The following KCTD3 variants were observed in gnomAD, a reference collection of about 807,000 sequenced individuals.
KCTD3 encodes the protein BTB/POZ domain-containing protein KCTD3.
KCTD3 carries 41 observed loss-of-function variants against 85.8 expected under a neutral mutation model. The observed-to-expected ratio is 0.48, with a 90% CI of 0.37 to 0.62. The LOEUF is 0.62. Ranked by LOEUF, KCTD3 falls within the 20% of genes least tolerant of loss-of-function variation. KCTD3 has a pLI of 0.00. For synonymous variants in KCTD3, 338 were observed against 345.4 expected (o/e 0.98, Z 0.24); for missense variants, 724 against 989.9 (o/e 0.73, Z 3.60).
intron 15 of KCTD3, among the ~76,000 whole-genome samples, chr1:215,616,171 G>T (rs192246985): frequency 6.6e-6 from 1 of 152,138 alleles, no homozygotes; most frequent in African/African-American, 2.4e-5. Context: ...GCTTCTGAGG[G>T]TATTTTCTGA....
At chr1:215,582,616 C>T (rs1659866708) in intron 8 of KCTD3, among the ~76,000 whole-genome samples, 1 of 152,244 alleles carries the variant, frequency 6.6e-6, no homozygotes, top group East Asian at 1.9e-4. Flanking sequence ...GGCTAGAGTG[C>T]AGTGGCGTGA....
chr1:215,595,475 A>G lies in KCTD3; in HGVS notation c.933+4A>G, dbSNP rs926464025. On this transcript the variant is annotated splice_donor_region_variant and intron_variant, in intron 10 of 17. Coordinates refer to ENST00000259154, the MANE Select transcript of KCTD3 (RefSeq NM_016121.5). ...TGCTGTCACTCAGCACTGGCAGGTT[A>G]GTTTAAAGCATATTACAGAAGTGAA... is the stretch of plus-strand genomic sequence containing the variant. 1 of 1,526,298 alleles carries G rather than the reference A, an allele frequency of 6.6e-7. No homozygotes were observed. Among genetic ancestry groups the G allele is most frequent in the Non-Finnish European group, 9.1e-7 (1 of 1,100,546 alleles). 94.5% of individuals were successfully genotyped at this position (1,526,298 alleles called of 1,614,324 possible).
Position 215,569,708 on chromosome 1 carries a change from G to T in KCTD3, c.83+1940G>T, listed in dbSNP as rs1659293148. 2.7e-5 allele frequency among the ~76,000 whole-genome samples: 4 copies of T among 149,776 alleles called. No individual in the cohort carries two copies. In the South Asian group the frequency reaches 8.4e-4, roughly 32 times the overall value. The stretch of plus-strand genomic sequence containing the variant: ...CCTCCCAGGTTCGCGCCATTCTCCT[G>T]TCTCAGCCTGGCACTGTGACATTTT... On this transcript the variant is annotated intron_variant, in intron 1 of 17. Coordinates refer to ENST00000259154, the MANE Select transcript of KCTD3 (RefSeq NM_016121.5).
chr1:215,595,238 C>T (rs1660373053), intron 9 of KCTD3, 118 bp from the exon 10 acceptor site: 3 of 656,262 alleles, frequency 4.6e-6, no homozygotes. Context: ...ACGTATAGCA[C>T]ATAGTTTGTA....
In KCTD3 at chr1:215,587,236, T is replaced by G. The variant is rs189337025; in HGVS notation, c.817+551T>G. On this transcript the variant is annotated intron_variant, in intron 9 of 17. Transcript: ENST00000259154. ...CCTCTGCCTCCTGGGCTCAAGCAAT[T>G]CTCCTGCCTCAGCCTCCCAAGTAGC... Among the ~76,000 whole-genome samples, 47 of 152,024 alleles carry G rather than the reference T, an allele frequency of 3.1e-4. No homozygotes were observed. In the East Asian group the frequency reaches 8.9e-3, roughly 29 times the overall value.
chr1:215,576,118 G>T, intron 4 of KCTD3, 144 bp downstream of exon 4: 1 of 587,086 alleles, frequency 1.7e-6, no homozygotes, highest in Non-Finnish European at 3.0e-6. Flanking sequence ...TGGAGTGCAG[G>T]AGTGCAGTGG....
At position 215,569,726 on chromosome 1, in the gene KCTD3, G is replaced by T. The variant is rs369570683; in HGVS notation, c.83+1958G>T. Among the ~76,000 whole-genome samples the T allele has an allele frequency of 7.9e-5, 12 of 151,584 alleles. No homozygotes were observed. In the South Asian group the frequency reaches 1.0e-3, roughly 13 times the overall value. Reference sequence around the variant, plus strand: ...TTCTCCTGTCTCAGCCTGGCACTGTGACATTTTATCTTGTGTTTACATTAT... The same window carrying T: ...TTCTCCTGTCTCAGCCTGGCACTGTTACATTTTATCTTGTGTTTACATTAT... On this transcript the variant is annotated intron_variant, in intron 1 of 17. Coordinates refer to ENST00000259154, the MANE Select transcript of KCTD3 (RefSeq NM_016121.5).
intron 8 of KCTD3, among the ~76,000 whole-genome samples, chr1:215,582,057 G>GTGA (rs1659845199): frequency 6.6e-6 from 1 of 152,188 alleles, no homozygotes; most frequent in Non-Finnish European, 1.5e-5. Context: ...ACGAAGAGTA[G>GTGA]TTGTGTGAAT....
intron 4 of KCTD3, 68 bp from the exon 5 acceptor site, chr1:215,577,602 T>C: frequency 1.0e-6 from 1 of 967,530 alleles, no homozygotes; most frequent in Non-Finnish European, 1.7e-6. Context: ...TAGAATTTTT[T>C]CCTTTCATGT....
intron 15 of KCTD3, among the ~76,000 whole-genome samples, chr1:215,616,010 A>T (rs1315824278): frequency 6.6e-6 from 1 of 152,182 alleles, no homozygotes. Context: ...CTTTATGGCT[A>T]GCTGTTCACA....
At chr1:215,609,635 C>G (rs1343149172) in intron 14 of KCTD3, among the ~76,000 whole-genome samples, 3 of 151,722 alleles carry the variant, frequency 2.0e-5, no homozygotes, top group African/African-American at 7.3e-5. Flanking sequence ...AATTTATTAA[C>G]CAAAGTGCAT....
chr1:215,594,326 A>G (rs942554402), intron 9 of KCTD3, among the ~76,000 whole-genome samples: 13 of 152,196 alleles, frequency 8.5e-5, no homozygotes, highest in Non-Finnish European at 1.8e-4. Flanking sequence ...AAGAGAGACA[A>G]GTGTATAAGG....
rs571952270 is a variant in KCTD3 at position 215,608,958 on chromosome 1, G to A, written c.1465+786G>A. ...TATTTATTCAACAAATATTTATCGAGTACTTGTGTTCTAGATATTAGAAAT... is the reference window on the plus strand; with the variant it reads ...TATTTATTCAACAAATATTTATCGAATACTTGTGTTCTAGATATTAGAAAT... On this transcript the variant is annotated intron_variant, in intron 14 of 17. Transcript: ENST00000259154. 5.9e-5 allele frequency among the ~76,000 whole-genome samples: 9 copies of A among 152,048 alleles called. No homozygotes were observed. The East Asian group carries it at 1.7e-3, about 29-fold the overall frequency.
At position 215,593,071 on chromosome 1, in the gene KCTD3, G is replaced by A. The variant is rs527917285; in HGVS notation, c.818-2285G>A. Among the ~76,000 whole-genome samples, 292 of 152,218 alleles carry A rather than the reference G, an allele frequency of 1.9e-3. 4 individuals carry two copies. Among genetic ancestry groups the A allele is most frequent in the Admixed American group, 3.7e-3 (57 of 15,296 alleles). ...TGCCTTTCACATAGCCCATAATACT[G>A]AATATAGTTGGCTTCACATGTTCTA... is the stretch of plus-strand genomic sequence containing the variant. On this transcript the variant is annotated intron_variant, in intron 9 of 17. Coordinates refer to ENST00000259154, the MANE Select transcript of KCTD3 (RefSeq NM_016121.5).
chr1:215,569,185 G>A (rs1197240560), intron 1 of KCTD3, among the ~76,000 whole-genome samples: 2 of 149,774 alleles, frequency 1.3e-5, no homozygotes, highest in African/African-American at 4.9e-5. Context: ...GCAGTGGCGC[G>A]ATCTCGGCTC....
Position 215,579,922 on chromosome 1 carries a change from T to A in KCTD3, c.549T>A (p.Asp183Glu). The stretch of plus-strand genomic sequence containing the variant: ...CAAAATCAACAGGATTTCCTGTGGA[T>A]CCACGAAAGGTGCTAATAGTAGCTG... Reference protein sequence around the residue: ...EETVRLGFPVDPRKVLIVAGH... With the variant: ...EETVRLGFPVEPRKVLIVAGH... Residue 183 changes from aspartate to glutamate, a missense_variant, in exon 8 of 18, where the codon GAT (aspartate) becomes GAA (glutamate). This residue lies in a region of KCTD3 where 106 missense variants were observed against 98.2 expected (regional missense o/e 1.08). Transcript: ENST00000259154. The A allele has an allele frequency of 1.2e-6, 2 of 1,612,632 alleles. No homozygotes were observed. The highest frequency in any genetic ancestry group is 1.7e-6 in the Non-Finnish European group (2 of 1,178,716).
At chr1:215,586,441 C>T (rs1660013992) in intron 8 of KCTD3, 54 bp from the exon 9 acceptor site, 9 of 1,390,898 alleles carry the variant, frequency 6.5e-6, no homozygotes, top group East Asian at 2.4e-5. Context: ...GATGTGTATT[C>T]CGTTTGCTTC....
rs772585334 is a variant in KCTD3, at chr1:215,577,693, G to A, written c.281G>A (p.Arg94Lys). 40 of 1,600,128 alleles carry A rather than the reference G, an allele frequency of 2.5e-5. No individual in the cohort carries two copies. The highest frequency in any genetic ancestry group is 3.2e-5 in the Non-Finnish European group (37 of 1,167,620). The part of the protein sequence containing the change: ...DLRGVSINVL[R>K]HEAEFYGITP... ...AGGGGAGTGAGTATTAATGTTCTCA[G>A]GCATGAAGCAGAATTTTACGGGATC... Residue 94 changes from arginine (R) to lysine (K), a missense_variant, in exon 5 of 18, where the codon AGG (arginine) becomes AAG (lysine). Arg to Lys is a conservative substitution (Grantham distance 26). Around this residue, in one of 6 missense-constraint regions of KCTD3, gnomAD observed 97 missense variants for 115.7 expected, o/e 0.84. Coordinates refer to ENST00000259154, the MANE Select transcript of KCTD3 (RefSeq NM_016121.5).
intron 10 of KCTD3, among the ~76,000 whole-genome samples, chr1:215,597,922 G>A (rs144686781): frequency 1.3e-3 from 204 of 152,080 alleles, no homozygotes; most frequent in African/African-American, 4.5e-3. Context: ...CTTGACTGCT[G>A]TCTTAACTGT....
Sources: allele counts gnomAD v4.1 joint callset (sites outside exome capture counted in the v4.1 genomes callset), GRCh38; gene constraint gnomAD v4.1.1; regional missense constraint gnomAD v4.1.1; transcripts MANE v1.5; gene names NCBI Gene and HGNC (gene_info 2026-07-23, HGNC 2026-07-21).